Variants in NFATC2 observed in about 807,000 individuals in gnomAD.
The protein encoded by NFATC2 is nuclear factor of activated T cells 2.
Under a neutral mutation model 87.3 loss-of-function variants are expected in NFATC2, and 22 were observed. That is an observed-to-expected ratio of 0.25 (90% CI 0.18 to 0.36). The LOEUF (loss-of-function observed/expected upper bound fraction) is 0.36, where lower values mean the gene tolerates loss of function less well. NFATC2 is among the 10% of genes least tolerant of loss of function. NFATC2 has a pLI of 1.00. For synonymous variants in NFATC2, 565 were observed against 542.2 expected, an observed-to-expected ratio of 1.04 and a Z score of -0.58; for missense variants, 1,149 against 1,259.1, an observed-to-expected ratio of 0.91 and a Z score of 1.32.
intron 2 of NFATC2, among the ~76,000 whole-genome samples, chr20:51,519,573 G>A (rs1026310841): frequency 2.0e-5 from 3 of 151,590 alleles, no homozygotes; most frequent in African/African-American, 4.9e-5. Context: ...GCAGTGAGCC[G>A]AGATCAGCTA....
At chr20:51,429,809 C>T (rs1982425169) in intron 9 of NFATC2, among the ~76,000 whole-genome samples, 1 of 152,188 alleles carries the variant, frequency 6.6e-6, no homozygotes, top group South Asian at 2.1e-4. Flanking sequence ...CAGAAAATAG[C>T]TCCTAACATC....
intron 6 of NFATC2, among the ~76,000 whole-genome samples, chr20:51,448,999 G>A (rs1038124819): frequency 1.3e-5 from 2 of 152,050 alleles, no homozygotes; most frequent in African/African-American, 4.8e-5. Flanking sequence ...TCTCCAATTT[G>A]TCATCTTGCT....
chr20:51,457,029 C>T (rs910757127), intron 5 of NFATC2, among the ~76,000 whole-genome samples: 1 of 152,354 alleles, frequency 6.6e-6, no homozygotes, highest in South Asian at 2.1e-4. Flanking sequence ...CGCCTGCCAG[C>T]GCTGCCCCAG....
At chr20:51,497,651 T>C (rs1308326158) in intron 3 of NFATC2, among the ~76,000 whole-genome samples, 1 of 152,040 alleles carries the variant, frequency 6.6e-6, no homozygotes, top group African/African-American at 2.4e-5. Flanking sequence ...AAGCAGATCC[T>C]TCCCCCTCCT....
chr20:51,551,460 G>A lies in NFATC2; in HGVS notation c.70+11100C>T, dbSNP rs538577917. Among the ~76,000 whole-genome samples, 6 of 152,084 alleles carry A rather than the reference G, an allele frequency of 3.9e-5. No homozygotes were observed. In the South Asian group the frequency reaches 1.2e-3, roughly 32 times the overall value. ...ACTCAGTCACCCAGGATGGAGTGCA[G>A]TGGCGAGAGCATGGCTCACTGCAGC... On this transcript the variant is annotated intron_variant, in intron 1 of 10. Coordinates refer to the NFATC2 transcript ENST00000414705.
upstream of NFATC2, among the ~76,000 whole-genome samples, chr20:51,543,023 A>G (rs2076851496): frequency 6.6e-6 from 1 of 152,010 alleles, no homozygotes; most frequent in East Asian, 1.9e-4. Context: ...GCCCTAAGGG[A>G]CCCACTGGCC....
intron 1 of NFATC2, among the ~76,000 whole-genome samples, chr20:51,551,831 T>C (rs979500534): frequency 2.0e-5 from 3 of 150,920 alleles, no homozygotes; most frequent in Non-Finnish European, 2.9e-5. Flanking sequence ...ATCAAGACCA[T>C]CCTGGCTAAC....
intron 6 of NFATC2, among the ~76,000 whole-genome samples, chr20:51,438,293 G>A (rs1983853031): frequency 6.6e-6 from 1 of 152,168 alleles, no homozygotes. Context: ...CTTGAAGCCT[G>A]AAGACTGAGT....
intron 3 of NFATC2, among the ~76,000 whole-genome samples, chr20:51,502,499 T>C (rs891248809): frequency 6.6e-6 from 1 of 151,908 alleles, no homozygotes; most frequent in Admixed American, 6.6e-5. Flanking sequence ...TAATTTTTTG[T>C]TTTTGTGTTT....
chr20:51,546,893 C>T (rs796818808), upstream of NFATC2, among the ~76,000 whole-genome samples: 4 of 152,060 alleles, frequency 2.6e-5, no homozygotes, highest in African/African-American at 4.8e-5. Context: ...ACTAACAGAG[C>T]GATGAGGGAG....
chr20:51,408,512 TAAA>T (rs11480882), intron 9 of NFATC2, among the ~76,000 whole-genome samples: 27 of 137,262 alleles, frequency 2.0e-4, no homozygotes, highest in African/African-American at 6.8e-4. Context: ...AGACTCTTTT[TAAA>T]AAAAAAAAAA....
intron 9 of NFATC2, among the ~76,000 whole-genome samples, chr20:51,429,470 G>A (rs545519547): frequency 6.6e-6 from 1 of 152,382 alleles, no homozygotes; most frequent in South Asian, 2.1e-4. Flanking sequence ...TGGCACAGGG[G>A]ACAGGGCAGT....
chr20:51,389,077 C>G lies in NFATC2; in HGVS notation c.*2419G>C, dbSNP rs1054260596. 2 of 152,128 alleles carry G rather than the reference C, an allele frequency of 1.3e-5. No individual in the cohort carries two copies. Among genetic ancestry groups the G allele is most frequent in the African/African-American group, 4.8e-5 (2 of 41,424 alleles). The allele number at this position is 152,128 out of a possible 1,614,324, so 9.4% of individuals were successfully genotyped here. A position where few individuals can be genotyped will look rare whatever the true frequency, so the allele number is the denominator to read the frequency against. ...TTTCTCTTTCCTTTGCGATTTGTTACAGTTGTTTATGAAAGTGCTTCCTAT... is the reference window on the plus strand; with the variant it reads ...TTTCTCTTTCCTTTGCGATTTGTTAGAGTTGTTTATGAAAGTGCTTCCTAT... On this transcript the variant is annotated 3_prime_UTR_variant, in exon 11 of 11. Transcript: ENST00000371564.
rs1318631186 is a variant in NFATC2 at position 51,523,657 on chromosome 20, T to A, written c.584A>T (p.Asn195Ile). 1 of 1,613,654 alleles carries A rather than the reference T, an allele frequency of 6.2e-7. No individual in the cohort carries two copies. The highest frequency in any genetic ancestry group is 1.3e-5 in the African/African-American group (1 of 74,960). ...PYTSPCVSPN[N>I]GGPDDLCPQF... The stretch of plus-strand genomic sequence containing the variant: ...CGGACACAGGTCGTCGGGCCCGCCG[T>A]TATTGGGCGAGACGCAGGGCGAGGT... Residue 195 changes from asparagine (N) to isoleucine (I), a missense_variant, in exon 2 of 11, where the codon AAC (asparagine) becomes ATC (isoleucine). By Grantham distance (149) the Asn-to-Ile change is moderately radical. Coordinates refer to ENST00000371564, the MANE Select transcript of NFATC2 (RefSeq NM_012340.5). This position sits in a 1 kb window ranked among gnomAD's most constrained non-coding sequence, Gnocchi z 6.9.
Position 51,469,932 on chromosome 20 carries a change from T to A in NFATC2, c.1708+4048A>T, listed in dbSNP as rs145806783. 1.1e-3 allele frequency among the ~76,000 whole-genome samples: 171 copies of A among 152,294 alleles called. 1 individual carries two copies. The highest frequency in any genetic ancestry group is 5.2e-3 in the South Asian group (25 of 4,822). ...AAGCCACCTGGTTTGCAGTAATTGATTATGACAGCCTAGGAAACTAACATA... is the reference window on the plus strand; with the variant it reads ...AAGCCACCTGGTTTGCAGTAATTGAATATGACAGCCTAGGAAACTAACATA... On this transcript the variant is annotated intron_variant, in intron 5 of 10. Coordinates refer to ENST00000371564, the MANE Select transcript of NFATC2 (RefSeq NM_012340.5).
intron 3 of NFATC2, among the ~76,000 whole-genome samples, chr20:51,477,533 GTCTA>G (rs1253753649): frequency 5.8e-4 from 40 of 68,502 alleles, no homozygotes; most frequent in African/African-American, 1.3e-3. Flanking sequence ...GTGTGTGTGT[GTCTA>G]TATATATATA....
At chr20:51,479,075 T>C (rs1568668935) in intron 3 of NFATC2, among the ~76,000 whole-genome samples, 1 of 152,190 alleles carries the variant, frequency 6.6e-6, no homozygotes, top group Non-Finnish European at 1.5e-5. Flanking sequence ...AGTGGGAATA[T>C]TTACACCACA....
intron 1 of NFATC2, among the ~76,000 whole-genome samples, chr20:51,540,767 T>C (rs1405176039): frequency 1.4e-5 from 2 of 148,054 alleles, no homozygotes; most frequent in Non-Finnish European, 3.0e-5. Context: ...AAAAAGTACC[T>C]CCCTTCAGAT....
At chr20:51,559,943 A>T (rs1473994012) in intron 1 of NFATC2, among the ~76,000 whole-genome samples, 1 of 152,232 alleles carries the variant, frequency 6.6e-6, no homozygotes, top group Non-Finnish European at 1.5e-5. Flanking sequence ...CAAATGAGAA[A>T]ATTGAGGCTT....
Sources: gnomAD v4.1 joint callset for allele counts (sites outside exome capture counted in the v4.1 genomes callset) on GRCh38, gnomAD v4.1.1 for gene constraint, Gnocchi (gnomAD v3.1) non-coding constraint, MANE v1.5 for transcripts, NCBI Gene and HGNC (gene_info 2026-07-23, HGNC 2026-07-21) for gene names.